Variants in EAF2 observed in about 807,000 individuals in gnomAD.
The protein encoded by EAF2 is ELL-associated factor 2.
Under a neutral mutation model 29.4 loss-of-function variants are expected in EAF2, and 29 were observed. The observed-to-expected ratio is 0.99, with a 90% CI of 0.73 to 1.35. The LOEUF (loss-of-function observed/expected upper bound fraction) is 1.35. Ranked by LOEUF, EAF2 falls within the 40% of genes most tolerant of loss-of-function variation. EAF2 has a pLI of 0.00. For missense variants in EAF2, 292 were observed against 312.0 expected, an observed-to-expected ratio of 0.94 and a Z score of 0.48; for synonymous variants, 103 against 102.5, an observed-to-expected ratio of 1.00 and a Z score of -0.03.
In EAF2 at chr3:121,835,224, A is replaced by T; in HGVS notation, c.-62A>T. 6.6e-7 allele frequency: 1 copy of T among 1,517,584 alleles called. No individual in the cohort carries two copies. The highest frequency in any genetic ancestry group is 1.1e-5 in the South Asian group (1 of 88,902). The allele number at this position is 1,517,584 out of a possible 1,614,324, so 94.0% of individuals were successfully genotyped here. On this transcript the variant is annotated 5_prime_UTR_variant, in exon 1 of 6. Coordinates refer to ENST00000273668, the MANE Select transcript of EAF2 (RefSeq NM_018456.6). ...TGGCGGGATCAAGTGCAGCTGCTTC[A>T]GGCTGAGGTGGCAGATAGTGAGCGC... is the stretch of plus-strand genomic sequence containing the variant.
intron 5 of EAF2, among the ~76,000 whole-genome samples, chr3:121,877,682 A>C (rs1709124188): frequency 1.3e-5 from 2 of 152,022 alleles, no homozygotes; most frequent in Non-Finnish European, 2.9e-5. Flanking sequence ...TATGAAGATA[A>C]AAAATAATAA....
rs754528693 is a variant in EAF2, at chr3:121,844,542, A to G, written c.196A>G (p.Ile66Val). ...GEQVTITLPN[I>V]EGSTPPVTVF... ...ACAGGTGACCATAACTCTGCCAAAT[A>G]TAGAAGTGAGTATTTCTGTATCTTT... The change falls in exon 2 of 6, where the codon ATA (isoleucine) becomes GTA (valine). Residue 66 changes from isoleucine to valine, a missense_variant. Ile to Val is a conservative substitution (Grantham distance 29). Coordinates refer to ENST00000273668, the MANE Select transcript of EAF2 (RefSeq NM_018456.6). 6.3e-7 allele frequency: 1 copy of G among 1,591,240 alleles called. No individual in the cohort carries two copies. The highest frequency in any genetic ancestry group is 1.1e-5 in the South Asian group (1 of 89,012).
chr3:121,845,086 C>T (rs1316169449), intron 2 of EAF2, among the ~76,000 whole-genome samples: 9 of 152,144 alleles, frequency 5.9e-5, no homozygotes, highest in Non-Finnish European at 2.9e-5. Flanking sequence ...GTGAAAAGCT[C>T]TGATGCCGAA....
chr3:121,871,523 G>A (rs146250382), intron 4 of EAF2, among the ~76,000 whole-genome samples: 87 of 152,014 alleles, frequency 5.7e-4, no homozygotes, highest in South Asian at 1.5e-3. Flanking sequence ...ACAAACAAAA[G>A]ATCTGGGTGA....
intron 1 of EAF2, among the ~76,000 whole-genome samples, chr3:121,843,166 A>G (rs1708464312): frequency 6.6e-6 from 1 of 152,206 alleles, no homozygotes; most frequent in African/African-American, 2.4e-5. Flanking sequence ...GAGTTGTTAT[A>G]AGAGGTAAAT....
chr3:121,876,881 G>A (rs9847161), intron 5 of EAF2, among the ~76,000 whole-genome samples: 135,267 of 151,826 alleles, frequency 0.89, 60,324 homozygotes, highest in Admixed American at 0.93. Context: ...ATAAATCTCA[G>A]TATATCAGTA....
chr3:121,841,501 T>TAA (rs1708424425), intron 1 of EAF2, among the ~76,000 whole-genome samples: 1 of 55,990 alleles, frequency 1.8e-5, no homozygotes, highest in Non-Finnish European at 3.3e-5. Flanking sequence ...GGAGACCCTG[T>TAA]CTCAAAAAAA....
At chr3:121,848,439 T>C (rs540291154) in intron 2 of EAF2, among the ~76,000 whole-genome samples, 1 of 152,324 alleles carries the variant, frequency 6.6e-6, no homozygotes, top group African/African-American at 2.4e-5. Context: ...TTATACTTAG[T>C]GTATTCTGCT....
chr3:121,886,322 T>C lies in EAF2; in HGVS notation c.737-20T>C. On this transcript the variant is annotated intron_variant, in intron 5 of 5. Transcript: ENST00000273668. The stretch of plus-strand genomic sequence containing the variant: ...TAAATATTTAATTACTACAGTTTTG[T>C]TATTTCTTTCTTATTTTAGGAAATG... 1 of 1,450,048 alleles carries C rather than the reference T, an allele frequency of 6.9e-7. No homozygotes were observed. Among genetic ancestry groups the C allele is most frequent in the African/African-American group, 1.4e-5 (1 of 69,176 alleles). 89.8% of individuals were successfully genotyped at this position (1,450,048 alleles called of 1,614,324 possible).
At chr3:121,854,129 A>AACATG (rs1559821240) in intron 2 of EAF2, among the ~76,000 whole-genome samples, 2 of 152,048 alleles carry the variant, frequency 1.3e-5, no homozygotes, top group Non-Finnish European at 2.9e-5. Flanking sequence ...CAGCCTGACC[A>AACATG]ACATGGTGAA....
chr3:121,857,273 C>G, intron 4 of EAF2, 117 bp downstream of exon 4: 1 of 812,206 alleles, frequency 1.2e-6, no homozygotes, highest in Non-Finnish European at 1.9e-6. Context: ...GCAGGCGGAT[C>G]ATGAGGTCAG....
intron 3 of EAF2, among the ~76,000 whole-genome samples, chr3:121,856,476 C>G (rs1708720853): frequency 6.6e-6 from 1 of 151,726 alleles, no homozygotes. Flanking sequence ...ACTGCACCAG[C>G]CTGGATTTTT....
intron 4 of EAF2, among the ~76,000 whole-genome samples, chr3:121,864,607 G>A (rs1708891728): frequency 1.3e-5 from 2 of 151,940 alleles, no homozygotes; most frequent in Non-Finnish European, 2.9e-5. Flanking sequence ...CTTGAGCTCA[G>A]GAGTTTGAGA....
At chr3:121,863,322 T>A (rs915282671) in intron 4 of EAF2, among the ~76,000 whole-genome samples, 7 of 152,184 alleles carry the variant, frequency 4.6e-5, no homozygotes, top group Non-Finnish European at 7.4e-5. Context: ...GCAGGCCTCC[T>A]TGAGCTGCGG....
intron 1 of EAF2, among the ~76,000 whole-genome samples, chr3:121,843,587 A>T (rs7627354): frequency 6.6e-6 from 1 of 151,856 alleles, no homozygotes; most frequent in Non-Finnish European, 1.5e-5. Flanking sequence ...TGTATATATA[A>T]CACAGGGAAC....
At chr3:121,850,796 G>A (rs1307155692) in intron 2 of EAF2, among the ~76,000 whole-genome samples, 3 of 151,572 alleles carry the variant, frequency 2.0e-5, no homozygotes, top group Admixed American at 2.0e-4. Context: ...TCCTGGGTTC[G>A]AGCAATTCTC....
chr3:121,876,664 C>T (rs1394751409), intron 5 of EAF2, among the ~76,000 whole-genome samples: 1 of 151,870 alleles, frequency 6.6e-6, no homozygotes, highest in East Asian at 1.9e-4. Context: ...GATAGATACA[C>T]TGAATCTGAC....
rs755668394 is a variant in EAF2, at chr3:121,886,365, T to C, written c.760T>C (p.Ser254Pro). 4.7e-6 allele frequency: 7 copies of C among 1,489,968 alleles called. No individual in the cohort carries two copies. Among genetic ancestry groups the C allele is most frequent in the Non-Finnish European group, 6.3e-6 (7 of 1,114,298 alleles). 92.3% of individuals were successfully genotyped at this position (1,489,968 alleles called of 1,614,324 possible). Residue 254 changes from serine to proline, a missense_variant, in exon 6 of 6, where the codon TCA becomes CCA. By Grantham distance (74) the Ser-to-Pro change is moderately conservative. Coordinates refer to ENST00000273668, the MANE Select transcript of EAF2 (RefSeq NM_018456.6). The stretch of plus-strand genomic sequence containing the variant: ...AGGAAATGATTTGCAGCTGAGTGAA[T>C]CAGGAAGTGACAGTGATGACTGAAG... The part of the protein sequence containing the change: ...TLRNDLQLSE[S>P]GSDSDD
At chr3:121,853,524 G>C (rs1407658728) in intron 2 of EAF2, among the ~76,000 whole-genome samples, 1 of 152,062 alleles carries the variant, frequency 6.6e-6, no homozygotes, top group Non-Finnish European at 1.5e-5. Context: ...AGAACTCCTG[G>C]CTTCAAGCTG....
Sources: gnomAD v4.1 joint callset for allele counts (sites outside exome capture counted in the v4.1 genomes callset) on GRCh38, gnomAD v4.1.1 for gene constraint, MANE v1.5 for transcripts, NCBI Gene and HGNC (gene_info 2026-07-23, HGNC 2026-07-21) for gene names.